GALNT17: variants seen among roughly 807,000 people sequenced by gnomAD.
The protein encoded by GALNT17 is polypeptide N-acetylgalactosaminyltransferase 17, also known as UDP-GalNAc:polypeptide N-acetylgalactosaminyltransferase-like 3.
A neutral mutation model predicts 63.7 loss-of-function variants in GALNT17; 29 were observed. That is an observed-to-expected ratio of 0.46 (90% confidence interval 0.34 to 0.62). The LOEUF is 0.62. Among genes scored for constraint, GALNT17 ranks in the 20% least tolerant of loss-of-function variants. The probability of loss-of-function intolerance (pLI) is 0.01; values close to 1 mark genes in which losing one functional copy is unlikely to be tolerated. For missense variants in GALNT17, 603 were observed against 799.6 expected, an observed-to-expected ratio of 0.75 and a Z score of 2.97; for synonymous variants, 305 against 318.3, an observed-to-expected ratio of 0.96 and a Z score of 0.45.
chr7:71,205,985 C>T (rs1390286036), intron 1 of GALNT17, among the ~76,000 whole-genome samples: 1 of 151,212 alleles, frequency 6.6e-6, no homozygotes, highest in Non-Finnish European at 1.5e-5. Flanking sequence ...TGAGCCACTG[C>T]ATGTAGTCAT....
At chr7:71,647,071 A>G (rs907021337) in intron 6 of GALNT17, among the ~76,000 whole-genome samples, 1 of 127,070 alleles carries the variant, frequency 7.9e-6, no homozygotes, top group African/African-American at 3.0e-5. Context: ...TATTTATTTT[A>G]TTTTATTTTT....
rs528188493 is a variant in GALNT17, at chr7:71,238,904, C to G, written c.239-96646C>G. Among the ~76,000 whole-genome samples, 7 of 152,308 alleles carry G rather than the reference C, an allele frequency of 4.6e-5. No homozygotes were observed. In the East Asian group the frequency reaches 1.4e-3, roughly 29 times the overall value. On this transcript the variant is annotated intron_variant, in intron 1 of 10. Coordinates refer to ENST00000333538, the MANE Select transcript of GALNT17 (RefSeq NM_022479.3). Reference sequence around the variant, plus strand: ...ATCTTAGGGTGTGCCCTCTCTCCGTCTCTCATGTCACTCACCTGGGAGAAC... The same window carrying G: ...ATCTTAGGGTGTGCCCTCTCTCCGTGTCTCATGTCACTCACCTGGGAGAAC...
chr7:71,328,200 G>A (rs75114854), intron 1 of GALNT17, among the ~76,000 whole-genome samples: 6,843 of 152,182 alleles, frequency 0.045, 415 homozygotes, highest in African/African-American at 0.14. Context: ...TTTAACTGTC[G>A]TCAGCTGTTA....
At position 71,282,987 on chromosome 7, in the gene GALNT17, A is replaced by T. The variant is rs112816986; in HGVS notation, c.239-52563A>T. Among the ~76,000 whole-genome samples, 8 of 151,918 alleles carry T rather than the reference A, an allele frequency of 5.3e-5. No individual in the cohort carries two copies. The East Asian group carries it at 1.6e-3, about 30-fold the overall frequency. ...TAGAGGGTGGTGGCTTAGCTGGGGG[A>T]TCTGCTCAGAGCCAAGGTGGGACCA... On this transcript the variant is annotated intron_variant, in intron 1 of 10. Coordinates refer to ENST00000333538, the MANE Select transcript of GALNT17 (RefSeq NM_022479.3).
chr7:71,430,969 C>G (rs183010022), intron 5 of GALNT17, among the ~76,000 whole-genome samples: 1 of 152,136 alleles, frequency 6.6e-6, no homozygotes, highest in Non-Finnish European at 1.5e-5. Flanking sequence ...ATTATCCTGT[C>G]TTGATGGAGT....
intron 1 of GALNT17, among the ~76,000 whole-genome samples, chr7:71,250,333 C>T (rs1411374364): frequency 1.3e-5 from 2 of 152,034 alleles, no homozygotes; most frequent in Non-Finnish European, 2.9e-5. Flanking sequence ...ATTTACAGCC[C>T]TTCTTAAGTT....
In GALNT17 at chr7:71,415,870, G is replaced by A; in HGVS notation, c.590-19G>A. On this transcript the variant is annotated intron_variant, in intron 3 of 10. Coordinates refer to ENST00000333538, the MANE Select transcript of GALNT17 (RefSeq NM_022479.3). ...AAATGACATGTTTATAGACCTTCTT[G>A]CATTTTTGTCATTTGCAGAGGAGCT... 3 of 1,566,326 alleles carry A rather than the reference G, an allele frequency of 1.9e-6. No individual in the cohort carries two copies. Among genetic ancestry groups the A allele is most frequent in the South Asian group, 2.4e-5 (2 of 83,184 alleles).
chr7:71,171,969 G>A (rs1788554450), intron 1 of GALNT17, among the ~76,000 whole-genome samples: 1 of 152,166 alleles, frequency 6.6e-6, no homozygotes, highest in Non-Finnish European at 1.5e-5. Context: ...CCCACCCCCA[G>A]CCCACCTATC....
At chr7:71,531,736 T>C (rs569344493) in intron 5 of GALNT17, among the ~76,000 whole-genome samples, 1 of 152,150 alleles carries the variant, frequency 6.6e-6, no homozygotes, top group Non-Finnish European at 1.5e-5. Context: ...ACTACAGGCA[T>C]GTACCACCAC....
intron 1 of GALNT17, among the ~76,000 whole-genome samples, chr7:71,331,329 G>C (rs1230551045): frequency 3.9e-5 from 6 of 152,290 alleles, no homozygotes; most frequent in South Asian, 4.1e-4. Context: ...CGCACAGGCT[G>C]CTGCAAGAAT....
At chr7:71,343,086 C>T (rs922393455) in intron 2 of GALNT17, among the ~76,000 whole-genome samples, 8 of 152,310 alleles carry the variant, frequency 5.3e-5, no homozygotes, top group African/African-American at 1.9e-4. Context: ...ATTCTGAGCT[C>T]CACAGCAAAA....
chr7:71,375,398 A>T (rs993233755), intron 2 of GALNT17, among the ~76,000 whole-genome samples: 2 of 151,942 alleles, frequency 1.3e-5, no homozygotes, highest in Admixed American at 1.3e-4. Flanking sequence ...TTGGAGGGTG[A>T]GACATTGAGT....
intron 6 of GALNT17, among the ~76,000 whole-genome samples, chr7:71,664,389 C>T (rs749863295): frequency 4.3e-4 from 66 of 152,164 alleles, no homozygotes; most frequent in African/African-American, 1.4e-3. Flanking sequence ...GTGGAAGAAT[C>T]GCTTGAGACC....
intron 6 of GALNT17, among the ~76,000 whole-genome samples, chr7:71,658,406 C>A: frequency 6.6e-6 from 1 of 152,174 alleles, no homozygotes; most frequent in Non-Finnish European, 1.5e-5. Flanking sequence ...CTAAGACTTC[C>A]CAGACCCCAG....
chr7:71,145,774 C>T (rs1478560058), intron 1 of GALNT17, among the ~76,000 whole-genome samples: 5 of 152,156 alleles, frequency 3.3e-5, no homozygotes, highest in East Asian at 1.9e-4. Context: ...GGCACAATCT[C>T]GGCTCACTAT....
At chr7:71,285,513 G>C (rs1419827637) in intron 1 of GALNT17, among the ~76,000 whole-genome samples, 1 of 152,150 alleles carries the variant, frequency 6.6e-6, no homozygotes, top group Non-Finnish European at 1.5e-5. Context: ...ATGTGGTTAT[G>C]GACTGGATGT....
At chr7:71,460,780 A>G (rs577675139) in intron 5 of GALNT17, among the ~76,000 whole-genome samples, 1 of 152,296 alleles carries the variant, frequency 6.6e-6, no homozygotes, top group Non-Finnish European at 1.5e-5. Context: ...TTTAGGCCAT[A>G]TAGAGTAACT....
At chr7:71,639,970 C>G (rs1275477559) in intron 6 of GALNT17, among the ~76,000 whole-genome samples, 1 of 152,078 alleles carries the variant, frequency 6.6e-6, no homozygotes, top group African/African-American at 2.4e-5. Flanking sequence ...ATCTGGAAAC[C>G]ATGTTATTTA....
At chr7:71,143,175 A>C (rs1787948658) in intron 1 of GALNT17, among the ~76,000 whole-genome samples, 1 of 151,854 alleles carries the variant, frequency 6.6e-6, no homozygotes, top group South Asian at 2.1e-4. Flanking sequence ...TAATCCCAGC[A>C]CTTTGGGAGG....
Sources: allele counts gnomAD v4.1 joint callset (sites outside exome capture counted in the v4.1 genomes callset), GRCh38; gene constraint gnomAD v4.1.1; transcripts MANE v1.5; gene names NCBI Gene and HGNC (gene_info 2026-07-23, HGNC 2026-07-21).